Variants in SEPTIN14 observed in about 807,000 individuals in gnomAD.
The protein encoded by SEPTIN14 is septin 14, also known as septin-14.
In SEPTIN14, 40 loss-of-function variants were observed where a neutral mutation model predicts 53.6. The observed-to-expected ratio is 0.75, with a 90% CI of 0.58 to 0.97. The LOEUF (loss-of-function observed/expected upper bound fraction) is 0.97. Among genes scored for constraint, SEPTIN14 ranks in the 50% least tolerant of loss-of-function variants. SEPTIN14 has a pLI of 0.00. For synonymous variants in SEPTIN14, 138 were observed against 166.8 expected (o/e 0.83, Z 1.33); for missense variants, 471 against 508.2 (o/e 0.93, Z 0.70).
At position 55,844,616 on chromosome 7, in the gene SEPTIN14, A is replaced by G. The variant is rs776423024; in HGVS notation, c.278T>C (p.Ile93Thr). ...GCTTTCCTGAAGTTCATATGTCTGA[A>G]TTTGAAGTCCAACATTTGAGTAAAA... is the stretch of plus-strand genomic sequence containing the variant. ...SHFYSNVGLQ[I>T]QTYELQESNV... Residue 93 changes from isoleucine to threonine, a missense_variant, in exon 4 of 10, where the codon ATT becomes ACT. Ile to Thr is a moderately conservative substitution (Grantham distance 89, BLOSUM62 -1). Coordinates refer to ENST00000388975, the MANE Select transcript of SEPTIN14 (RefSeq NM_207366.3). 6.2e-7 allele frequency: 1 copy of G among 1,609,964 alleles called. No individual in the cohort carries two copies. Among genetic ancestry groups the G allele is most frequent in the East Asian group, 2.2e-5 (1 of 44,852 alleles).
At chr7:55,804,741 T>C (rs554604344) in intron 9 of SEPTIN14, among the ~76,000 whole-genome samples, 2 of 152,318 alleles carry the variant, frequency 1.3e-5, no homozygotes, top group South Asian at 4.1e-4. Context: ...TTCAAAAATA[T>C]GTCTTCACCA....
At chr7:55,861,834 C>A in intron 2 of SEPTIN14, 109 bp downstream of exon 2, 6 of 645,730 alleles carry the variant, frequency 9.3e-6, no homozygotes, top group South Asian at 2.6e-5. Context: ...ACATAACAAA[C>A]AAGACTTTAT....
intron 7 of SEPTIN14, among the ~76,000 whole-genome samples, chr7:55,810,475 CTTTT>C (rs145847718): frequency 8.0e-6 from 1 of 124,874 alleles, no homozygotes. Context: ...TTTTGAAGTT[CTTTT>C]TTTTTTTTTT....
chr7:55,836,584 C>A (rs964821917), intron 5 of SEPTIN14, among the ~76,000 whole-genome samples: 12 of 151,978 alleles, frequency 7.9e-5, no homozygotes, highest in Non-Finnish European at 1.5e-4. Context: ...ACTAAAAATG[C>A]AAAATTAGCC....
chr7:55,862,072 T>C (rs1789759056), intron 1 of SEPTIN14, 61 bp from the exon 2 acceptor site: 4 of 1,025,124 alleles, frequency 3.9e-6, no homozygotes, highest in East Asian at 2.7e-5. Context: ...ATTCTTACTA[T>C]ATAATTTAGA....
At chr7:55,825,780 A>G (rs1788973019) in intron 6 of SEPTIN14, among the ~76,000 whole-genome samples, 1 of 151,632 alleles carries the variant, frequency 6.6e-6, no homozygotes, top group Non-Finnish European at 1.5e-5. Context: ...CAGCTTGGCC[A>G]CCGTAGTGAG....
chr7:55,795,818 T>G lies in SEPTIN14; in HGVS notation c.*95A>C. 1.0e-6 allele frequency: 1 copy of G among 981,176 alleles called. No individual in the cohort carries two copies. Among genetic ancestry groups the G allele is most frequent in the Non-Finnish European group, 1.6e-6 (1 of 642,410 alleles). The allele number at this position is 981,176 out of a possible 1,614,324, so 60.8% of individuals were successfully genotyped here. A position where few individuals can be genotyped will look rare whatever the true frequency, so the allele number is the denominator to read the frequency against. ...AATATACAATAAGCAAGCCAATTTT[T>G]AAAATGAGAACTTCAGAGTTAAATG... On this transcript the variant is annotated 3_prime_UTR_variant, in exon 10 of 10. Coordinates refer to ENST00000388975, the MANE Select transcript of SEPTIN14 (RefSeq NM_207366.3).
chr7:55,811,118 C>T (rs534541264), intron 7 of SEPTIN14: 25 of 474,308 alleles, frequency 5.3e-5, no homozygotes, highest in African/African-American at 1.8e-4. Context: ...GAATAGCTCC[C>T]GCGGTGATAT....
chr7:55,830,321 G>GTATATATA (rs746498199), intron 6 of SEPTIN14, among the ~76,000 whole-genome samples: 45 of 84,672 alleles, frequency 5.3e-4, no homozygotes, highest in East Asian at 1.6e-3. Context: ...TTATCCAACT[G>GTATATATA]TATATATATA....
chr7:55,800,162 AT>A (rs1481505634), intron 9 of SEPTIN14, among the ~76,000 whole-genome samples: 1 of 152,200 alleles, frequency 6.6e-6, no homozygotes, highest in Non-Finnish European at 1.5e-5. Flanking sequence ...ATGAAAAAAA[AT>A]GTCACATATA....
intron 9 of SEPTIN14, chr7:55,798,302 GC>G: frequency 5.2e-6 from 2 of 386,776 alleles, no homozygotes; most frequent in East Asian, 6.6e-5. Flanking sequence ...ACCCTGGGCG[GC>G]CCCCTGAAGC....
intron 7 of SEPTIN14, among the ~76,000 whole-genome samples, chr7:55,817,078 T>A (rs1788804560): frequency 6.6e-6 from 1 of 152,200 alleles, no homozygotes; most frequent in Non-Finnish European, 1.5e-5. Context: ...ACACTACCAT[T>A]ATTCACAAGA....
chr7:55,852,921 A>G (rs79005085), intron 2 of SEPTIN14, among the ~76,000 whole-genome samples: 2 of 152,344 alleles, frequency 1.3e-5, no homozygotes, highest in African/African-American at 4.8e-5. Context: ...CAAATGGCAA[A>G]CAGGTATATA....
intron 6 of SEPTIN14, among the ~76,000 whole-genome samples, chr7:55,827,607 T>C (rs940709773): frequency 1.3e-5 from 2 of 152,240 alleles, no homozygotes; most frequent in African/African-American, 4.8e-5. Flanking sequence ...ACGTTCATCA[T>C]TGAGATGTTG....
intron 2 of SEPTIN14, among the ~76,000 whole-genome samples, chr7:55,854,090 C>T (rs915998623): frequency 2.1e-4 from 32 of 151,902 alleles, no homozygotes; most frequent in African/African-American, 7.5e-4. Context: ...CACTGCGCTG[C>T]AGCCTGGGTA....
Position 55,861,975 on chromosome 7 carries a change from T to G in SEPTIN14, c.22A>C (p.Met8Leu), listed in dbSNP as rs983298828. The G allele has an allele frequency of 6.3e-7, 1 of 1,585,420 alleles. No individual in the cohort carries two copies. Among genetic ancestry groups the G allele is most frequent in the Non-Finnish European group, 8.6e-7 (1 of 1,169,230 alleles). The change falls in exon 2 of 10, where the codon ATG becomes CTG. Residue 8 changes from methionine (M) to leucine (L), a missense_variant. Physicochemically the swap from Met to Leu is conservative, Grantham distance 15 (BLOSUM62 2). Transcript: ENST00000388975. ...CCATCAGCAGGTATTTGTGTGGGCA[T>G]AGCCATTGTTCTTTCTGCCATGCTA... MAERTMAMPTQIPADGDT... is the reference protein window; with the variant it reads MAERTMALPTQIPADGDT...
chr7:55,834,342 T>C, intron 6 of SEPTIN14, 83 bp downstream of exon 6: 1 of 1,039,268 alleles, frequency 9.6e-7, no homozygotes, highest in Non-Finnish European at 1.3e-6. Context: ...TTTACAAAAT[T>C]AAAAAAATTA....
chr7:55,819,075 T>C, intron 7 of SEPTIN14, 52 bp downstream of exon 7: 4 of 956,050 alleles, frequency 4.2e-6, no homozygotes, highest in Non-Finnish European at 5.0e-6. Context: ...CTATGAGTGA[T>C]ACACATATAT....
chr7:55,850,052 G>A (rs1789492879), intron 2 of SEPTIN14, among the ~76,000 whole-genome samples: 1 of 152,168 alleles, frequency 6.6e-6, no homozygotes, highest in African/African-American at 2.4e-5. Context: ...TTCAGGCCCT[G>A]CTGATTTCAC....
Sources: gnomAD v4.1 joint callset for allele counts (sites outside exome capture counted in the v4.1 genomes callset) on GRCh38, gnomAD v4.1.1 for gene constraint, MANE v1.5 for transcripts, NCBI Gene and HGNC (gene_info 2026-07-23, HGNC 2026-07-21) for gene names.